AUTS2: variants seen among roughly 807,000 people sequenced by gnomAD.
The protein encoded by AUTS2 is autism susceptibility gene 2 protein.
Under a neutral mutation model 112.4 loss-of-function variants are expected in AUTS2, and 17 were observed. The observed-to-expected ratio is 0.15, with a 90% CI of 0.10 to 0.23. The LOEUF is 0.23. AUTS2 is among the 10% of genes least tolerant of loss of function. AUTS2 has a pLI of 1.00. For missense variants in AUTS2, 1,510 were observed against 1,701.6 expected, an observed-to-expected ratio of 0.89 and a Z score of 1.98; for synonymous variants, 751 against 702.7, an observed-to-expected ratio of 1.07 and a Z score of -1.09.
Position 70,064,626 on chromosome 7 carries a change from A to G in AUTS2, c.523-53506A>G, listed in dbSNP as rs138138012. ...TTGGTCATTGTTTGCACCCAGATTTATAATTTGGGGTTAATTAGACATAAA... is the reference window on the plus strand; with the variant it reads ...TTGGTCATTGTTTGCACCCAGATTTGTAATTTGGGGTTAATTAGACATAAA... On this transcript the variant is annotated intron_variant, in intron 2 of 18. Transcript: ENST00000342771. Among the ~76,000 whole-genome samples the G allele has an allele frequency of 8.7e-3, 1,321 of 152,282 alleles. 12 individuals carry two copies. The highest frequency in any genetic ancestry group is 0.027 in the Middle Eastern group (8 of 294).
chr7:69,911,320 C>A (rs936588000), intron 2 of AUTS2, among the ~76,000 whole-genome samples: 24 of 152,314 alleles, frequency 1.6e-4, no homozygotes, highest in African/African-American at 5.3e-4. Context: ...AACCACAGAG[C>A]CCCAAAGAGG....
Position 70,766,060 on chromosome 7 carries a change from G to A in AUTS2, c.1469-54G>A, listed in dbSNP as rs1347722040. ...GTACCCCTCCACAGGAAGGCAGTCC[G>A]ATGTCCTTTTCTGAAGGAAAAGGCG... On this transcript the variant is annotated intron_variant, in intron 8 of 18. Coordinates refer to ENST00000342771, the MANE Select transcript of AUTS2 (RefSeq NM_015570.4). The surrounding 1 kb of genome is among the most constrained non-coding windows in gnomAD (Gnocchi z 4.8). The A allele has an allele frequency of 6.3e-6, 10 of 1,582,658 alleles. No homozygotes were observed. The highest frequency in any genetic ancestry group is 2.7e-5 in the African/African-American group (2 of 74,498).
intron 5 of AUTS2, among the ~76,000 whole-genome samples, chr7:70,498,082 T>G (rs1441493716): frequency 6.6e-6 from 1 of 151,542 alleles, no homozygotes. Context: ...TGAAAAGAAG[T>G]GGGAAGAGGT....
chr7:70,505,409 C>T (rs902057992), intron 5 of AUTS2, among the ~76,000 whole-genome samples: 2 of 152,014 alleles, frequency 1.3e-5, no homozygotes, highest in African/African-American at 4.8e-5. Flanking sequence ...AATGATAGAC[C>T]CAGGACAGGT....
intron 1 of AUTS2, among the ~76,000 whole-genome samples, chr7:69,806,407 T>C (rs1422437705): frequency 2.6e-5 from 4 of 152,056 alleles, no homozygotes; most frequent in African/African-American, 7.2e-5. Context: ...AAGGGCGTTA[T>C]ACTTGTTGAA....
chr7:70,774,159 C>T lies in AUTS2; in HGVS notation c.1902+60C>T, dbSNP rs536519514. 23 of 1,516,638 alleles carry T rather than the reference C, an allele frequency of 1.5e-5. 1 individual carries two copies. The highest frequency in any genetic ancestry group is 1.5e-4 in the South Asian group (13 of 88,600). 93.9% of individuals were successfully genotyped at this position (1,516,638 alleles called of 1,614,324 possible). On this transcript the variant is annotated intron_variant, in intron 12 of 18. Coordinates refer to ENST00000342771, the MANE Select transcript of AUTS2 (RefSeq NM_015570.4). Reference sequence around the variant, plus strand: ...CCAGGGTGTGTGTGTTTGCACGGGACGGCCAGCCCAGTGCTCGCATCTTCC... The same window carrying T: ...CCAGGGTGTGTGTGTTTGCACGGGATGGCCAGCCCAGTGCTCGCATCTTCC...
chr7:70,338,456 T>A (rs1791095150), intron 4 of AUTS2, among the ~76,000 whole-genome samples: 1 of 152,208 alleles, frequency 6.6e-6, no homozygotes, highest in Admixed American at 6.5e-5. Context: ...AGTTTTCTCT[T>A]TAAAGGTTGT....
At chr7:70,123,581 A>G (rs1199112859) in intron 3 of AUTS2, among the ~76,000 whole-genome samples, 5 of 152,166 alleles carry the variant, frequency 3.3e-5, no homozygotes, top group Non-Finnish European at 5.9e-5. Flanking sequence ...GCTCCCACTT[A>G]TAAGTAAAAA....
chr7:70,425,941 T>A (rs981300025), intron 4 of AUTS2, among the ~76,000 whole-genome samples: 38 of 152,230 alleles, frequency 2.5e-4, no homozygotes, highest in African/African-American at 7.7e-4. Context: ...TATGTACTTA[T>A]ACAAATTATA....
At chr7:69,787,817 C>T (rs571185373) in intron 1 of AUTS2, among the ~76,000 whole-genome samples, 1 of 151,966 alleles carries the variant, frequency 6.6e-6, no homozygotes, top group Non-Finnish European at 1.5e-5. Flanking sequence ...TCAGGTGATC[C>T]GCCCACCTTG....
chr7:70,433,402 C>G (rs544933786), intron 4 of AUTS2, among the ~76,000 whole-genome samples: 1 of 152,328 alleles, frequency 6.6e-6, no homozygotes, highest in African/African-American at 2.4e-5. Context: ...CTTCCACACC[C>G]CTCTTGAATT....
At chr7:69,936,022 C>G (rs1458686128) in intron 2 of AUTS2, among the ~76,000 whole-genome samples, 1 of 152,232 alleles carries the variant, frequency 6.6e-6, no homozygotes, top group Non-Finnish European at 1.5e-5. Context: ...AATAATATAA[C>G]AATGAGTTCT....
At chr7:70,701,117 T>G (rs184132892) in intron 6 of AUTS2, among the ~76,000 whole-genome samples, 1 of 152,254 alleles carries the variant, frequency 6.6e-6, no homozygotes, top group Non-Finnish European at 1.5e-5. Flanking sequence ...ACTGGTAGTA[T>G]TCTGGCCTTA....
In AUTS2 at chr7:70,037,023, T is replaced by C. The variant is rs141619534; in HGVS notation, c.523-81109T>C. On this transcript the variant is annotated intron_variant, in intron 2 of 18. Coordinates refer to ENST00000342771, the MANE Select transcript of AUTS2 (RefSeq NM_015570.4). The stretch of plus-strand genomic sequence containing the variant: ...TTTGACAGGTGTTTTAAAAAAATAA[T>C]TATATTTATACAATCTATAATGGAA... Among the ~76,000 whole-genome samples, 293 of 152,296 alleles carry C rather than the reference T, an allele frequency of 1.9e-3. 1 individual carries two copies. The highest frequency in any genetic ancestry group is 6.3e-3 in the African/African-American group (261 of 41,562).
At chr7:69,835,826 A>G (rs1225755348) in intron 1 of AUTS2, among the ~76,000 whole-genome samples, 1 of 152,232 alleles carries the variant, frequency 6.6e-6, no homozygotes, top group African/African-American at 2.4e-5. Context: ...TGAATGCTAT[A>G]TACAACACCC....
chr7:70,765,128 T>TG, intron 8 of AUTS2, 123 bp downstream of exon 8: 1 of 1,325,174 alleles, frequency 7.5e-7, no homozygotes, highest in Non-Finnish European at 1.0e-6. Flanking sequence ...TTCCTTACTG[T>TG]GATCTTCCTC....
chr7:70,307,933 C>G (rs911853517), intron 4 of AUTS2, among the ~76,000 whole-genome samples: 3 of 152,126 alleles, frequency 2.0e-5, no homozygotes, highest in Admixed American at 1.3e-4. Context: ...ACAGAATGTA[C>G]CCCTCGATAA....
chr7:70,140,254 A>G (rs1806790649), intron 4 of AUTS2, among the ~76,000 whole-genome samples: 1 of 152,114 alleles, frequency 6.6e-6, no homozygotes, highest in Admixed American at 6.5e-5. Context: ...TTAGTTCTTT[A>G]TTTTTATTAA....
intron 13 of AUTS2, among the ~76,000 whole-genome samples, chr7:70,776,012 G>A (rs967912821): frequency 6.6e-6 from 1 of 152,164 alleles, no homozygotes; most frequent in Non-Finnish European, 1.5e-5. Flanking sequence ...CTCATTTCTA[G>A]GGCACATAAT....
Sources: gnomAD v4.1 joint callset for allele counts (sites outside exome capture counted in the v4.1 genomes callset) on GRCh38, gnomAD v4.1.1 for gene constraint, Gnocchi (gnomAD v3.1) non-coding constraint, MANE v1.5 for transcripts, NCBI Gene and HGNC (gene_info 2026-07-23, HGNC 2026-07-21) for gene names.